Variants in OAS3 observed in about 807,000 individuals in gnomAD.
OAS3 encodes 2'-5'-oligoadenylate synthetase 3, also known as 2'-5'-oligoadenylate synthase 3.
A neutral mutation model predicts 113.0 loss-of-function variants in OAS3; 107 were observed. That is an observed-to-expected ratio of 0.95 (90% CI 0.81 to 1.11). The LOEUF (loss-of-function observed/expected upper bound fraction) is 1.11, where lower values mean the gene tolerates loss of function less well. Ranked by LOEUF, OAS3 falls within the 50% of genes most tolerant of loss-of-function variation. OAS3 has a pLI of 0.00. For missense variants in OAS3, 1,258 were observed against 1,389.1 expected (o/e 0.91, Z 1.50); for synonymous variants, 552 against 573.6 (o/e 0.96, Z 0.54).
At chr12:112,944,874 A>T (rs1341850840) in intron 3 of OAS3, 1 of 570,034 alleles carries the variant, frequency 1.8e-6, no homozygotes, top group Non-Finnish European at 3.1e-6. Flanking sequence ...TAGTTAATAT[A>T]ATGCATTCTT....
At chr12:112,955,293 C>T (rs1308082257) in intron 7 of OAS3, among the ~76,000 whole-genome samples, 2 of 152,184 alleles carry the variant, frequency 1.3e-5, no homozygotes, top group Admixed American at 1.3e-4. Flanking sequence ...TTCCTCGTTT[C>T]CTAATTGAAT....
Position 112,968,156 on chromosome 12 carries a change from A to G in OAS3, c.3086A>G (p.Gln1029Arg), listed in dbSNP as rs1046072413. The G allele has an allele frequency of 2.5e-6, 4 of 1,612,838 alleles. No homozygotes were observed. Among genetic ancestry groups the G allele is most frequent in the Admixed American group, 3.3e-5 (2 of 59,960 alleles). Residue 1029 changes from glutamine (Q) to arginine (R), a missense_variant, in exon 14 of 16, where the codon CAG becomes CGG. Physicochemically the swap from Gln to Arg is conservative, Grantham distance 43. Coordinates refer to ENST00000228928, the MANE Select transcript of OAS3 (RefSeq NM_006187.4). ...KDKTVGDFLK[Q>R]QLQKPRPIIL... ...AAGACTGTTGGAGACTTCCTGAAAC[A>G]GCAGCTTCAGAAGCCCAGGTTCAGG...
rs752596676 is a variant in OAS3 at position 112,967,484 on chromosome 12, A to G, written c.2756A>G (p.Asn919Ser). 3 of 1,613,758 alleles carry G rather than the reference A, an allele frequency of 1.9e-6. No individual in the cohort carries two copies. Among genetic ancestry groups the G allele is most frequent in the Non-Finnish European group, 2.5e-6 (3 of 1,179,822 alleles). Residue 919 changes from asparagine (N) to serine (S), a missense_variant, in exon 13 of 16, where the codon AAT (asparagine) becomes AGT (serine). Transcript: ENST00000228928. ...VYVDLIHSYS[N>S]AGEYSTCFTE... ...GTCGACCTCATCCACAGCTACAGCA[A>G]TGCGGGCGAGTACTCCACCTGCTTC...
At chr12:112,942,493 G>T (rs1182000794) in intron 2 of OAS3, among the ~76,000 whole-genome samples, 1 of 152,082 alleles carries the variant, frequency 6.6e-6, no homozygotes, top group Non-Finnish European at 1.5e-5. Context: ...GACTGCTTGA[G>T]CCCAGGAGTT....
At chr12:112,947,850 C>T (rs2043747317) in intron 4 of OAS3, 96 bp from the exon 5 acceptor site, 6 of 1,170,060 alleles carry the variant, frequency 5.1e-6, no homozygotes, top group Middle Eastern at 2.0e-4. Context: ...CCAGGTCACA[C>T]AGCTGGAAAG....
chr12:112,962,796 G>T lies in OAS3; in HGVS notation c.1978G>T (p.Gly660Trp). Residue 660 changes from glycine (G) to tryptophan (W), a missense_variant, in exon 9 of 16, where the codon GGG becomes TGG. Transcript: ENST00000228928. ...GGCCCAAGGCTTCCGGACGGTGCTG[G>T]GGCTCGTGCAACAGCATCAGCAGCT... ...NMAQGFRTVL[G>W]LVQQHQQLCV... 1 of 1,614,034 alleles carries T rather than the reference G, an allele frequency of 6.2e-7. No individual in the cohort carries two copies.
At chr12:112,949,746 C>T (rs12321824) in intron 6 of OAS3, among the ~76,000 whole-genome samples, 9,386 of 152,210 alleles carry the variant, frequency 0.062, 952 homozygotes, top group African/African-American at 0.21. Flanking sequence ...TGCCCGGGCA[C>T]GGTGGCTCAC....
At chr12:112,952,792 T>C (rs1350294328) in intron 7 of OAS3, among the ~76,000 whole-genome samples, 1 of 152,236 alleles carries the variant, frequency 6.6e-6, no homozygotes, top group African/African-American at 2.4e-5. Context: ...GCTGTCTTCT[T>C]ACCTGTTGTT....
At chr12:112,958,511 A>C (rs1593181542) in intron 7 of OAS3, among the ~76,000 whole-genome samples, 1 of 152,376 alleles carries the variant, frequency 6.6e-6, no homozygotes, top group Non-Finnish European at 1.5e-5. Context: ...GGTGACGTAC[A>C]GATGGGATTT....
chr12:112,947,439 C>T (rs565914915), intron 4 of OAS3, among the ~76,000 whole-genome samples: 1 of 152,260 alleles, frequency 6.6e-6, no homozygotes, highest in African/African-American at 2.4e-5. Context: ...TGTCTGGCTT[C>T]TCGTTCTGTT....
At position 112,961,239 on chromosome 12, in the gene OAS3, A is replaced by G. The variant is rs1192464774; in HGVS notation, c.1826A>G (p.Tyr609Cys). 1 of 1,613,748 alleles carries G rather than the reference A, an allele frequency of 6.2e-7. No individual in the cohort carries two copies. The highest frequency in any genetic ancestry group is 8.5e-7 in the Non-Finnish European group (1 of 1,179,818). The change falls in exon 8 of 16, where the codon TAC becomes TGC. Residue 609 changes from tyrosine to cysteine, a missense_variant. Coordinates refer to ENST00000228928, the MANE Select transcript of OAS3 (RefSeq NM_006187.4). The stretch of plus-strand genomic sequence containing the variant: ...CTGATTCTGCTGGTGAAGCACTGGT[A>G]CCGCCAGGTGAGTTGCCCCTGGCTC... Reference protein sequence around the residue: ...KNLILLVKHWYRQVAAQNKGK... With the variant: ...KNLILLVKHWCRQVAAQNKGK...
chr12:112,957,246 G>A (rs1488155565), intron 7 of OAS3, among the ~76,000 whole-genome samples: 7 of 152,102 alleles, frequency 4.6e-5, no homozygotes, highest in Non-Finnish European at 8.8e-5. Flanking sequence ...CATGTGAGCT[G>A]GGTCTCCTGA....
intron 4 of OAS3, 72 bp downstream of exon 4, chr12:112,947,053 C>T (rs571308538): frequency 1.4e-4 from 177 of 1,290,246 alleles, no homozygotes; most frequent in Middle Eastern, 3.8e-4. Flanking sequence ...AGGACAAAAC[C>T]GGTTACATCT....
intron 7 of OAS3, among the ~76,000 whole-genome samples, chr12:112,958,416 G>A (rs905968724): frequency 2.0e-5 from 3 of 152,250 alleles, no homozygotes; most frequent in Non-Finnish European, 4.4e-5. Context: ...AGGAGAAGAG[G>A]CGCTCTGATT....
intron 3 of OAS3, 60 bp downstream of exon 3, chr12:112,944,711 T>A (rs2043712012): frequency 6.4e-7 from 1 of 1,566,544 alleles, no homozygotes; most frequent in Non-Finnish European, 8.8e-7. Context: ...GCTTTCATAG[T>A]CGTGAAACTG....
rs937950345 is a variant in OAS3, at chr12:112,953,702, T to C, written c.1657+2727T>C. On this transcript the variant is annotated intron_variant, in intron 7 of 15. Coordinates refer to ENST00000228928, the MANE Select transcript of OAS3 (RefSeq NM_006187.4). Reference sequence around the variant, plus strand: ...ATTCTAACTGGTGTGAGATGGTATCTCATTGTGGTTTTGATTTGCATTTCT... The same window carrying C: ...ATTCTAACTGGTGTGAGATGGTATCCCATTGTGGTTTTGATTTGCATTTCT... Among the ~76,000 whole-genome samples, 90 of 152,160 alleles carry C rather than the reference T, an allele frequency of 5.9e-4. 1 individual carries two copies. Among genetic ancestry groups the C allele is most frequent in the Admixed American group, 3.3e-4 (5 of 15,272 alleles).
At chr12:112,967,732 C>A in intron 13 of OAS3, 139 bp downstream of exon 13, 1 of 1,093,888 alleles carries the variant, frequency 9.1e-7, no homozygotes, top group Non-Finnish European at 1.3e-6. Context: ...TATATCTCAG[C>A]TGTGGGACCT....
chr12:112,947,862 A>T, intron 4 of OAS3, 84 bp from the exon 5 acceptor site: 1 of 1,257,840 alleles, frequency 8.0e-7, no homozygotes, highest in Non-Finnish European at 1.1e-6. Context: ...GCTGGAAAGT[A>T]GCAGAGATGC....
Position 112,966,056 on chromosome 12 carries a change from A to T in OAS3, c.2689+27A>T, listed in dbSNP as rs780679273. Reference sequence around the variant, plus strand: ...TGAGGTGCCCTGGCGTAGACCTGAGAGGGGGAAATACAGAGGCAGGGCCGC... The same window carrying T: ...TGAGGTGCCCTGGCGTAGACCTGAGTGGGGGAAATACAGAGGCAGGGCCGC... On this transcript the variant is annotated intron_variant, in intron 12 of 15. Coordinates refer to ENST00000228928, the MANE Select transcript of OAS3 (RefSeq NM_006187.4). The T allele has an allele frequency of 6.8e-6, 11 of 1,611,120 alleles. No individual in the cohort carries two copies. In the East Asian group the frequency reaches 2.5e-4, roughly 36 times the overall value.
Sources: gnomAD v4.1 joint callset for allele counts (sites outside exome capture counted in the v4.1 genomes callset) on GRCh38, gnomAD v4.1.1 for gene constraint, MANE v1.5 for transcripts, NCBI Gene and HGNC (gene_info 2026-07-23, HGNC 2026-07-21) for gene names.